Variants in INPP4A observed in about 807,000 individuals in gnomAD.
INPP4A encodes inositol polyphosphate-4-phosphatase, type I, 107kD.
A neutral mutation model predicts 119.8 loss-of-function variants in INPP4A; 33 were observed. The ratio of observed to expected loss-of-function variants is 0.28; its 90% CI spans 0.21 to 0.37. INPP4A has a LOEUF of 0.37. Among genes scored for constraint, INPP4A ranks in the 10% least tolerant of loss-of-function variants. The probability of loss-of-function intolerance (pLI) is 1.00; values close to 1 mark genes in which losing one functional copy is unlikely to be tolerated. For missense variants in INPP4A, 956 were observed against 1,289.9 expected (o/e 0.74, Z 3.97); for synonymous variants, 496 against 500.7 (o/e 0.99, Z 0.12).
intron 1 of INPP4A, among the ~76,000 whole-genome samples, chr2:98,471,088 TTTTGA>T (rs1189034073): frequency 3.9e-5 from 6 of 152,236 alleles, no homozygotes; most frequent in Non-Finnish European, 5.9e-5. Flanking sequence ...TGGCCCAAGC[TTTTGA>T]TTTGAGATCA....
chr2:98,534,655 C>T (rs1689882971), intron 5 of INPP4A, among the ~76,000 whole-genome samples: 1 of 152,106 alleles, frequency 6.6e-6, no homozygotes, highest in South Asian at 2.1e-4. Flanking sequence ...GTGAAAGGCA[C>T]AAGTAGGAGA....
chr2:98,498,189 T>C (rs1682417566), intron 1 of INPP4A, among the ~76,000 whole-genome samples: 1 of 152,056 alleles, frequency 6.6e-6, no homozygotes, highest in African/African-American at 2.4e-5. Flanking sequence ...TCATGTTGAA[T>C]TGTACTCCCA....
At chr2:98,564,921 C>T (rs1417070706) in intron 19 of INPP4A, among the ~76,000 whole-genome samples, 158 bp downstream of exon 19, 4 of 152,378 alleles carry the variant, frequency 2.6e-5, no homozygotes, top group South Asian at 2.1e-4. Context: ...CAGTTACACA[C>T]GCACACGCCT....
At chr2:98,571,824 G>A (rs1559100710) in intron 22 of INPP4A, 1 of 152,508 alleles carries the variant, frequency 6.6e-6, no homozygotes, top group East Asian at 1.9e-4. Flanking sequence ...AGATGGTGCT[G>A]TCTATGCCAG....
intron 1 of INPP4A, among the ~76,000 whole-genome samples, chr2:98,455,885 G>A (rs1220409723): frequency 6.6e-6 from 1 of 152,230 alleles, no homozygotes; most frequent in Non-Finnish European, 1.5e-5. Flanking sequence ...AGTGGAGAGG[G>A]AAGCTGCCTG....
intron 1 of INPP4A, among the ~76,000 whole-genome samples, chr2:98,495,667 C>T (rs906572487): frequency 2.6e-5 from 4 of 152,168 alleles, no homozygotes; most frequent in Non-Finnish European, 4.4e-5. Context: ...TTCTGATTGA[C>T]GGTTGAAAGT....
chr2:98,472,066 A>G (rs566946395), intron 1 of INPP4A, among the ~76,000 whole-genome samples: 1 of 152,216 alleles, frequency 6.6e-6, no homozygotes, highest in African/African-American at 2.4e-5. Flanking sequence ...GGTCTGCTCC[A>G]ACAAGGCCTC....
chr2:98,475,613 G>T (rs1677044995), intron 1 of INPP4A, among the ~76,000 whole-genome samples: 1 of 152,172 alleles, frequency 6.6e-6, no homozygotes, highest in Admixed American at 6.5e-5. Context: ...CAGATACTTT[G>T]TTTTTTTGCT....
At chr2:98,541,110 G>A (rs976409033) in intron 10 of INPP4A, among the ~76,000 whole-genome samples, 32 of 152,232 alleles carry the variant, frequency 2.1e-4, no homozygotes, top group African/African-American at 7.0e-4. Flanking sequence ...GGTGGATCAC[G>A]AGGTCAGGAG....
rs1402562699 is a variant in INPP4A at position 98,570,328 on chromosome 2, C to T, written c.2518+1660C>T. Reference sequence around the variant, plus strand: ...CTGGAGGGGCCCCTGCTCTGGGGGACAGCGAGGAAGAAGGGACTCAACAGA... The same window carrying T: ...CTGGAGGGGCCCCTGCTCTGGGGGATAGCGAGGAAGAAGGGACTCAACAGA... On this transcript the variant is annotated intron_variant, in intron 22 of 24. Coordinates refer to ENST00000409851, the MANE Select transcript of INPP4A (RefSeq NM_001134225.2). This position sits in a 1 kb window ranked among gnomAD's most constrained non-coding sequence, Gnocchi z 4.3. 6.6e-6 allele frequency among the ~76,000 whole-genome samples: 1 copy of T among 152,114 alleles called. No individual in the cohort carries two copies. The highest frequency in any genetic ancestry group is 2.4e-5 in the African/African-American group (1 of 41,416).
At chr2:98,458,050 C>G (rs140024914) in intron 1 of INPP4A, among the ~76,000 whole-genome samples, 64 of 151,138 alleles carry the variant, frequency 4.2e-4, no homozygotes, top group African/African-American at 1.5e-3. Flanking sequence ...AACTCCTGGC[C>G]TCAAATGATC....
chr2:98,501,153 C>T (rs1384261201), intron 1 of INPP4A, among the ~76,000 whole-genome samples: 1 of 152,096 alleles, frequency 6.6e-6, no homozygotes, highest in Non-Finnish European at 1.5e-5. Flanking sequence ...CTTGTCTCTA[C>T]TAAAAATACA....
In INPP4A at chr2:98,554,377, C is replaced by T. The variant is rs1442257080; in HGVS notation, c.1454C>T (p.Ser485Leu). Residue 485 changes from serine (S) to leucine (L), a missense_variant, in exon 15 of 25, where the codon TCG (serine) becomes TTG (leucine). By Grantham distance (145) the Ser-to-Leu change is moderately radical (BLOSUM62 -2). Around this residue, in one of 2 missense-constraint regions of INPP4A, gnomAD observed 652 missense variants for 797.9 expected, o/e 0.82. Coordinates refer to ENST00000409851, the MANE Select transcript of INPP4A (RefSeq NM_001134225.2). This position sits in a 1 kb window ranked among gnomAD's most constrained non-coding sequence, Gnocchi z 4.7. ...ATTGCCTCCAAGGCCTCTCCCACTT[C>T]GACTGAGGAGGAGCAGGTGATGCTT... is the stretch of plus-strand genomic sequence containing the variant. The part of the protein sequence containing the change: ...DYIASKASPT[S>L]TEEEQVMLRN... 5.0e-6 allele frequency: 8 copies of T among 1,613,602 alleles called. No homozygotes were observed. Among genetic ancestry groups the T allele is most frequent in the South Asian group, 4.4e-5 (4 of 90,974 alleles).
intron 1 of INPP4A, among the ~76,000 whole-genome samples, chr2:98,479,509 C>T (rs991581202): frequency 6.6e-6 from 1 of 152,134 alleles, no homozygotes; most frequent in African/African-American, 2.4e-5. Flanking sequence ...AGAGTTTTGA[C>T]CCTACTATTT....
Position 98,563,654 on chromosome 2 carries a change from C to A in INPP4A, c.2028+17C>A. The A allele has an allele frequency of 6.2e-7, 1 of 1,610,176 alleles. No individual in the cohort carries two copies. Among genetic ancestry groups the A allele is most frequent in the Non-Finnish European group, 8.5e-7 (1 of 1,179,120 alleles). ...TGCCAGACGGTAGGCCCCGGGAGCA[C>A]CCCGAGGGAGACCACGGGCACCTCT... On this transcript the variant is annotated intron_variant, in intron 18 of 24. Coordinates refer to ENST00000409851, the MANE Select transcript of INPP4A (RefSeq NM_001134225.2).
At position 98,566,201 on chromosome 2, in the gene INPP4A, G is replaced by A; in HGVS notation, c.2420+32G>A. 2.6e-6 allele frequency: 4 copies of A among 1,549,994 alleles called. No individual in the cohort carries two copies. The highest frequency in any genetic ancestry group is 1.7e-6 in the Non-Finnish European group (2 of 1,144,198). On this transcript the variant is annotated intron_variant, in intron 21 of 24. Coordinates refer to ENST00000409851, the MANE Select transcript of INPP4A (RefSeq NM_001134225.2). The surrounding 1 kb of genome is among the most constrained non-coding windows in gnomAD (Gnocchi z 4.2). ...GCCGGCTCCTCGGGGCTGCGGGGGTGTGGTGGCCCTGGAGATGATGCAGAA... is the reference window on the plus strand; with the variant it reads ...GCCGGCTCCTCGGGGCTGCGGGGGTATGGTGGCCCTGGAGATGATGCAGAA...
At chr2:98,463,823 A>G (rs901771412) in intron 1 of INPP4A, among the ~76,000 whole-genome samples, 4 of 152,182 alleles carry the variant, frequency 2.6e-5, no homozygotes, top group Non-Finnish European at 4.4e-5. Flanking sequence ...TGTTAGCCCT[A>G]GGGTCTGCTG....
intron 13 of INPP4A, among the ~76,000 whole-genome samples, chr2:98,547,498 G>A (rs1692682840): frequency 6.6e-6 from 1 of 152,200 alleles, no homozygotes; most frequent in Non-Finnish European, 1.5e-5. Flanking sequence ...AGGAGGCATT[G>A]ATGATCTTCC....
rs200437118 is a variant in INPP4A at position 98,572,900 on chromosome 2, C to T, written c.2604C>T (p.Asn868=). The T allele has an allele frequency of 6.6e-4, 1,038 of 1,576,024 alleles. 1 individual carries two copies. The highest frequency in any genetic ancestry group is 7.0e-4 in the Non-Finnish European group (813 of 1,160,832). ...ACGTGCATGCCCGGAAGAATAAGAA[C>T]GTCGACATTCTCTGGCAAGCTGCTG... is the stretch of plus-strand genomic sequence containing the variant. ...GQNVHARKNK[N]VDILWQAAEI... The change falls in exon 23 of 25, where the codon AAC becomes AAT. Residue 868 remains asparagine (N), a synonymous_variant. Coordinates refer to ENST00000409851, the MANE Select transcript of INPP4A (RefSeq NM_001134225.2).
Sources: gnomAD v4.1 joint callset for allele counts (sites outside exome capture counted in the v4.1 genomes callset) on GRCh38, gnomAD v4.1.1 for gene constraint, gnomAD v4.1.1 regional missense constraint, Gnocchi (gnomAD v3.1) non-coding constraint, MANE v1.5 for transcripts, NCBI Gene and HGNC (gene_info 2026-07-23, HGNC 2026-07-21) for gene names.